ZNF577: variants seen among roughly 807,000 people sequenced by gnomAD.
ZNF577 encodes zinc finger protein 577.
A neutral mutation model predicts 13.9 loss-of-function variants in ZNF577; 14 were observed. The ratio of observed to expected loss-of-function variants is 1.00; its 90% confidence interval spans 0.66 to 1.57. The LOEUF is 1.57. Among genes scored for constraint, ZNF577 ranks in the 40% most tolerant of loss-of-function variants. The probability of loss-of-function intolerance (pLI) is 0.00; values close to 1 mark genes in which losing one functional copy is unlikely to be tolerated. For synonymous variants in ZNF577, 203 were observed against 202.9 expected (o/e 1.00, Z 0.00); for missense variants, 555 against 579.2 (o/e 0.96, Z 0.43).
At chr19:51,856,596 T>G (rs1160534340) in intron 5 of ZNF577, among the ~76,000 whole-genome samples, 1 of 152,226 alleles carries the variant, frequency 6.6e-6, no homozygotes, top group African/African-American at 2.4e-5. Flanking sequence ...ATGTCTGTCA[T>G]ATTCTAGACA....
At chr19:51,829,772 T>A (rs894953976) in intron 9 of ZNF577, among the ~76,000 whole-genome samples, 1 of 152,212 alleles carries the variant, frequency 6.6e-6, no homozygotes, top group South Asian at 2.1e-4. Flanking sequence ...ATATGGCAAC[T>A]GCACAAGTCC....
rs562211682 is a variant in ZNF577 at position 51,810,003 on chromosome 19, C to T, written c.*817+1454G>A. ...ATTAGCCCAGTTATTTCCTCTGTTACGCAAGGACAAAGTCCTGGCATTTTT... is the reference window on the plus strand; with the variant it reads ...ATTAGCCCAGTTATTTCCTCTGTTATGCAAGGACAAAGTCCTGGCATTTTT... On this transcript the variant is annotated intron_variant and NMD_transcript_variant, in intron 10 of 10. Coordinates refer to the ZNF577 transcript ENST00000638827. Among the ~76,000 whole-genome samples the T allele has an allele frequency of 2.2e-4, 34 of 152,268 alleles. No homozygotes were observed. The South Asian group carries it at 4.6e-3, about 20-fold the overall frequency.
intron 9 of ZNF577, among the ~76,000 whole-genome samples, chr19:51,834,059 AT>A (rs61013654): frequency 0.43 from 64,368 of 150,118 alleles, 13,827 homozygotes; most frequent in South Asian, 0.58. Context: ...CACACAATAG[AT>A]TTTTTTTTTT....
At chr19:51,861,109 CTCTCTTTT>C in intron 5 of ZNF577, 2 of 261,624 alleles carry the variant, frequency 7.6e-6, no homozygotes, top group Non-Finnish European at 6.7e-6. Context: ...ATAATTGACT[CTCTCTTTT>C]TTTTTTTTTT....
Position 51,873,449 on chromosome 19 carries a change from T to C in ZNF577, c.541A>G (p.Arg181Gly). Residue 181 changes from arginine (R) to glycine (G), a missense_variant, in exon 6 of 6, where the codon AGA becomes GGA. By Grantham distance (125) the Arg-to-Gly change is moderately radical (BLOSUM62 -2). Transcript: ENST00000638348. ...CCACATCCATGGGGTTTCTCTCCTC[T>C]TTCAGTTCTCTGATGTTGAATAAGC... ...AQLIQHQRTE[R>G]GEKPHGCGEC... 6.2e-7 allele frequency: 1 copy of C among 1,614,206 alleles called. No homozygotes were observed. The highest frequency in any genetic ancestry group is 8.5e-7 in the Non-Finnish European group (1 of 1,180,036).
chr19:51,860,456 T>C (rs1255167028), intron 5 of ZNF577: 1 of 152,616 alleles, frequency 6.6e-6, no homozygotes, highest in East Asian at 1.9e-4. Flanking sequence ...TAAATATTAT[T>C]GCCTTCGAGA....
rs149385480 is a variant in ZNF577, at chr19:51,848,081, G to A, written c.284-3150C>T. On this transcript the variant is annotated intron_variant and NMD_transcript_variant, in intron 5 of 10. Transcript: ENST00000638827. ...CAGCCATTCTAGGCGACCGGATTCC[G>A]CTGACCAGGCCGAAAAGGAGTAAAT... Among the ~76,000 whole-genome samples, 58 of 152,260 alleles carry A rather than the reference G, an allele frequency of 3.8e-4. 1 individual carries two copies. The East Asian group carries it at 0.01, about 27-fold the overall frequency.
chr19:51,883,951 G>GT (rs1568451678), intron 1 of ZNF577, among the ~76,000 whole-genome samples: 1 of 152,144 alleles, frequency 6.6e-6, no homozygotes. Context: ...GCAGATGCCT[G>GT]TAAGCCCAGC....
At chr19:51,821,483 G>C (rs971378563) in intron 9 of ZNF577, among the ~76,000 whole-genome samples, 2 of 152,062 alleles carry the variant, frequency 1.3e-5, no homozygotes, top group Non-Finnish European at 2.9e-5. Flanking sequence ...CCACAACAAA[G>C]AATTACACAG....
intron 9 of ZNF577, among the ~76,000 whole-genome samples, chr19:51,833,405 C>G (rs2084270982): frequency 6.6e-6 from 1 of 151,794 alleles, no homozygotes; most frequent in Non-Finnish European, 1.5e-5. Context: ...TAAATCTGGT[C>G]TCTCTTATGC....
chr19:51,872,861 T>C lies in ZNF577; in HGVS notation c.1129A>G (p.Ile377Val), dbSNP rs1238849169. 5 of 1,614,078 alleles carry C rather than the reference T, an allele frequency of 3.1e-6. No homozygotes were observed. The highest frequency in any genetic ancestry group is 4.2e-6 in the Non-Finnish European group (5 of 1,180,040). Residue 377 changes from isoleucine to valine, a missense_variant, in exon 6 of 6, where the codon ATA (isoleucine) becomes GTA (valine). Ile to Val is a conservative substitution (Grantham distance 29, BLOSUM62 3). Transcript: ENST00000638348. ...SVLIKHEKTH[I>V]RETAINSLTV... The stretch of plus-strand genomic sequence containing the variant: ...AGTGAATTTATGGCTGTCTCTCTTA[T>C]GTGAGTTTTCTCATGTTTAATGAGG...
intron 9 of ZNF577, among the ~76,000 whole-genome samples, chr19:51,826,988 T>C (rs573548458): frequency 7.9e-5 from 12 of 152,258 alleles, no homozygotes; most frequent in African/African-American, 2.9e-4. Flanking sequence ...GTGTTACCTA[T>C]AGAAGTGATT....
chr19:51,824,947 G>A lies in ZNF577; in HGVS notation c.*600-13273C>T, dbSNP rs2084221646. 2 of 723,620 alleles carry A rather than the reference G, an allele frequency of 2.8e-6. No individual in the cohort carries two copies. The highest frequency in any genetic ancestry group is 3.0e-5 in the Admixed American group (1 of 33,660). The allele number at this position is 723,620 out of a possible 1,614,324, so 44.8% of individuals were successfully genotyped here. A position where few individuals can be genotyped will look rare whatever the true frequency, so the allele number is the denominator to read the frequency against. ...CATAAAGGAAGTCTGTACCAAATCT[G>A]TAGGGGGTTTTTCCCACAACCAAGC... On this transcript the variant is annotated intron_variant and NMD_transcript_variant, in intron 9 of 10. Coordinates refer to the ZNF577 transcript ENST00000638827. The surrounding 1 kb of genome is among the most constrained non-coding windows in gnomAD (Gnocchi z 4.7).
At chr19:51,864,924 C>T (rs1334047724), downstream of ZNF577, among the ~76,000 whole-genome samples, 3 of 152,156 alleles carry the variant, frequency 2.0e-5, no homozygotes, top group Non-Finnish European at 4.4e-5. Context: ...ATCCATCACG[C>T]TCAAACAATA....
downstream of ZNF577, among the ~76,000 whole-genome samples, chr19:51,866,828 A>C (rs2084570134): frequency 6.6e-6 from 1 of 152,082 alleles, no homozygotes; most frequent in Non-Finnish European, 1.5e-5. Flanking sequence ...CTAAAAATAC[A>C]AAAATTAGCC....
At chr19:51,859,333 C>T (rs1599858499) in intron 5 of ZNF577, among the ~76,000 whole-genome samples, 1 of 152,048 alleles carries the variant, frequency 6.6e-6, no homozygotes, top group South Asian at 2.1e-4. Flanking sequence ...GGTTGAGTAC[C>T]TGTTTTCAAT....
chr19:51,813,646 T>C (rs1206030072), intron 9 of ZNF577, among the ~76,000 whole-genome samples: 1 of 152,002 alleles, frequency 6.6e-6, no homozygotes, highest in African/African-American at 2.4e-5. Flanking sequence ...TTTTCCCACC[T>C]CAGCCTCCCG....
intron 9 of ZNF577, among the ~76,000 whole-genome samples, chr19:51,813,415 T>A (rs892406568): frequency 1.1e-4 from 17 of 152,110 alleles, no homozygotes; most frequent in Admixed American, 2.0e-4. Context: ...ATTTATATTT[T>A]TATTTTTATT....
intron 8 of ZNF577, among the ~76,000 whole-genome samples, chr19:51,841,229 C>T (rs1468396688): frequency 6.6e-6 from 1 of 152,180 alleles, no homozygotes; most frequent in South Asian, 2.1e-4. Context: ...CTCACCCAGG[C>T]CTATAAATTG....
Sources: gnomAD v4.1 joint callset for allele counts (sites outside exome capture counted in the v4.1 genomes callset) on GRCh38, gnomAD v4.1.1 for gene constraint, Gnocchi (gnomAD v3.1) non-coding constraint, MANE v1.5 for transcripts, NCBI Gene and HGNC (gene_info 2026-07-23, HGNC 2026-07-21) for gene names.